MMP8: variants seen among roughly 807,000 people sequenced by gnomAD.
The protein encoded by MMP8 is neutrophil collagenase.
Under a neutral mutation model 51.2 loss-of-function variants are expected in MMP8, and 67 were observed. The observed-to-expected ratio is 1.31, with a 90% confidence interval of 1.08 to 1.60. The LOEUF is 1.60. Ranked by LOEUF, MMP8 falls within the 40% of genes most tolerant of loss-of-function variation. The pLI is 0.00. For missense variants in MMP8, 654 were observed against 558.1 expected (o/e 1.17, Z -1.73); for synonymous variants, 225 against 191.0 (o/e 1.18, Z -1.47).
chr11:102,713,581 A>G (rs779670480), intron 9 of MMP8, 124 bp from the exon 10 acceptor site: 1 of 1,038,726 alleles, frequency 9.6e-7, no homozygotes, highest in Non-Finnish European at 1.4e-6. Context: ...TAAAAAATTT[A>G]AACACCAGGT....
chr11:102,722,997 T>C, intron 1 of MMP8: 2 of 1,304,298 alleles, frequency 1.5e-6, no homozygotes, highest in Non-Finnish European at 2.0e-6. Context: ...TAACATTAAT[T>C]GACTTCTCTT....
chr11:102,722,051 G>A (rs1312840818), intron 2 of MMP8, among the ~76,000 whole-genome samples: 1 of 152,014 alleles, frequency 6.6e-6, no homozygotes, highest in Non-Finnish European at 1.5e-5. Flanking sequence ...TTCATTACTT[G>A]TCAAATAGTA....
At chr11:102,719,846 G>C (rs1471431248) in intron 4 of MMP8, among the ~76,000 whole-genome samples, 1 of 152,248 alleles carries the variant, frequency 6.6e-6, no homozygotes, top group Non-Finnish European at 1.5e-5. Flanking sequence ...AAAGCACACA[G>C]TGAGTGATGA....
In MMP8 at chr11:102,714,565, T is replaced by C; in HGVS notation, c.1181A>G (p.Gln394Arg). ...AAATAGTTTACGTTACCTCCAGAAT[T>C]GGTCATTTACAAAGAAGTATGTTTT... is the stretch of plus-strand genomic sequence containing the variant. ...RSKTYFFVND[Q>R]FWRYDNQRQF... Residue 394 changes from glutamine (Q) to arginine (R), a missense_variant, in exon 8 of 10, where the codon CAA (glutamine) becomes CGA (arginine). Physicochemically the swap from Gln to Arg is conservative, Grantham distance 43. Coordinates refer to ENST00000236826, the MANE Select transcript of MMP8 (RefSeq NM_002424.3). 2.0e-6 allele frequency: 3 copies of C among 1,468,682 alleles called. No individual in the cohort carries two copies. The highest frequency in any genetic ancestry group is 2.7e-6 in the Non-Finnish European group (3 of 1,106,520). 91.0% of individuals were successfully genotyped at this position (1,468,682 alleles called of 1,614,324 possible).
rs775921109 is a variant in MMP8 at position 102,722,531 on chromosome 11, G to A, written c.245C>T (p.Thr82Ile). 26 of 1,613,816 alleles carry A rather than the reference G, an allele frequency of 1.6e-5. No homozygotes were observed. The highest frequency in any genetic ancestry group is 2.0e-5 in the Non-Finnish European group (24 of 1,179,866). Residue 82 changes from threonine to isoleucine, a missense_variant, in exon 2 of 10, where the codon ACT (threonine) becomes ATT (isoleucine). Transcript: ENST00000236826. ...LNVTGKPNEE[T>I]LDMMKKPRCG... Reference sequence around the variant, plus strand: ...GCGAGGCTTTTTCATCATGTCCAGAGTTTCCTCATTTGGCTTCCCCGTCAC... The same window carrying A: ...GCGAGGCTTTTTCATCATGTCCAGAATTTCCTCATTTGGCTTCCCCGTCAC...
chr11:102,716,538 C>T (rs1485939472), intron 5 of MMP8, 119 bp from the exon 6 acceptor site: 3 of 537,376 alleles, frequency 5.6e-6, no homozygotes, highest in African/African-American at 3.9e-5. Flanking sequence ...AAGGTAAGTG[C>T]TACCAGACTA....
At chr11:102,722,796 A>G in intron 1 of MMP8, 123 bp from the exon 2 acceptor site, 4 of 1,404,284 alleles carry the variant, frequency 2.8e-6, no homozygotes, top group Non-Finnish European at 3.8e-6. Flanking sequence ...GAACAATAAC[A>G]CAAATTAATT....
intron 9 of MMP8, 61 bp downstream of exon 9, chr11:102,713,693 C>A: frequency 7.2e-7 from 1 of 1,386,874 alleles, no homozygotes; most frequent in Non-Finnish European, 1.0e-6. Context: ...TAGTAAGACC[C>A]TGTCTCCTCT....
chr11:102,723,667 G>A lies in MMP8; in HGVS notation c.103-994C>T, dbSNP rs545498023. On this transcript the variant is annotated intron_variant, in intron 1 of 9. Transcript: ENST00000236826. ...ATTAATTACTAATCCAGTTCTGCAA[G>A]AGCCAGAACCCACTCCAGCAAAAAT... The A allele has an allele frequency of 6.5e-5, 19 of 290,164 alleles. No individual in the cohort carries two copies. The East Asian group carries it at 1.5e-3, about 23-fold the overall frequency. 18.0% of individuals were successfully genotyped at this position (290,164 alleles called of 1,614,324 possible). A position where few individuals can be genotyped will look rare whatever the true frequency, so the allele number is the denominator to read the frequency against.
intron 4 of MMP8, among the ~76,000 whole-genome samples, chr11:102,719,443 T>G (rs917661608): frequency 2.7e-5 from 4 of 149,342 alleles, no homozygotes; most frequent in Non-Finnish European, 5.9e-5. Context: ...GGCAATCTAA[T>G]GTTATGCAAT....
rs751481811 is a variant in MMP8, at chr11:102,716,423, G to GAAA, written c.785-7_785-5dup. ...TGGATAGGGTTGCTTGAAAGTCCTG[G>GAAA]AAAAAAAAAAAAAAAAAAAAAAAAG... On this transcript the variant is annotated splice_region_variant and splice_polypyrimidine_tract_variant and intron_variant, in intron 5 of 9. Transcript: ENST00000236826. 4,266 of 394,328 alleles carry GAAA rather than the reference G, an allele frequency of 0.011. 32 individuals are homozygous for GAAA. The highest frequency in any genetic ancestry group is 0.034 in the African/African-American group (927 of 26,994). 24.4% of individuals were successfully genotyped at this position (394,328 alleles called of 1,614,324 possible).
chr11:102,719,154 C>G, intron 4 of MMP8, among the ~76,000 whole-genome samples: 1 of 152,192 alleles, frequency 6.6e-6, no homozygotes, highest in Admixed American at 6.5e-5. Flanking sequence ...TTATTGCTCT[C>G]TTTCTCCATG....
At position 102,715,380 on chromosome 11, in the gene MMP8, T is replaced by C. The variant is rs1286079471; in HGVS notation, c.960A>G (p.Leu320=). 2 of 1,613,744 alleles carry C rather than the reference T, an allele frequency of 1.2e-6. No individual in the cohort carries two copies. Among genetic ancestry groups the C allele is most frequent in the South Asian group, 2.2e-5 (2 of 91,058 alleles). The change falls in exon 7 of 10, where the codon CTA becomes CTG. Residue 320 remains leucine (L), a synonymous_variant. Transcript: ENST00000236826. ...TACCAGTTGGAAGGGATGGCCAGAA[T>C]AGAGAAATAAAATTCATTTCGACTC... ...LQRVEMNFIS[L]FWPSLPTGIQ... is the part of the protein sequence containing the mutation.
intron 4 of MMP8, 61 bp from the exon 5 acceptor site, chr11:102,718,636 A>T: frequency 1.9e-6 from 3 of 1,593,034 alleles, no homozygotes; most frequent in Non-Finnish European, 2.6e-6. Context: ...CAGAAACATG[A>T]TCTCAAGGAA....
At chr11:102,718,831 A>G (rs913524643) in intron 4 of MMP8, among the ~76,000 whole-genome samples, 1 of 152,220 alleles carries the variant, frequency 6.6e-6, no homozygotes, top group Admixed American at 6.5e-5. Flanking sequence ...ATTTATTCCA[A>G]TTCTCACATT....
Position 102,716,477 on chromosome 11 carries a change from G to T in MMP8, c.785-58C>A. ...TTTCTTATGAGAGTAAGTCCGGTGTGACTCTTGGGTACATCAGAGACTTCT... is the reference window on the plus strand; with the variant it reads ...TTTCTTATGAGAGTAAGTCCGGTGTTACTCTTGGGTACATCAGAGACTTCT... On this transcript the variant is annotated intron_variant, in intron 5 of 9. Coordinates refer to ENST00000236826, the MANE Select transcript of MMP8 (RefSeq NM_002424.3). 5 of 1,104,574 alleles carry T rather than the reference G, an allele frequency of 4.5e-6. 1 individual carries two copies. The highest frequency in any genetic ancestry group is 3.9e-6 in the Non-Finnish European group (3 of 765,172). The allele number at this position is 1,104,574 out of a possible 1,614,324, so 68.4% of individuals were successfully genotyped here.
Position 102,715,331 on chromosome 11 carries a change from CA to C in MMP8, c.1008del (p.Phe336LeufsTer17). On this transcript the variant is annotated frameshift_variant, in exon 7 of 10. Coordinates refer to ENST00000236826, the MANE Select transcript of MMP8 (RefSeq NM_002424.3). LOFTEE classifies it high-confidence loss of function. ...PTGIQAAYED[F>X]DRDLIFLFKG... ...TTAAATAGGAAAATGAGGTCTCTGT[CA>C]AAATCTTCATAAGCAGCCTGTATAC... The C allele has an allele frequency of 1.9e-6, 3 of 1,611,992 alleles. No individual in the cohort carries two copies. The highest frequency in any genetic ancestry group is 2.5e-6 in the Non-Finnish European group (3 of 1,179,336).
rs1861151352 is a variant in MMP8, at chr11:102,712,419, TG to T, written c.*928del. 6.6e-6 allele frequency: 1 copy of T among 152,224 alleles called. No individual in the cohort carries two copies. The highest frequency in any genetic ancestry group is 6.5e-5 in the Admixed American group (1 of 15,278). 9.4% of individuals were successfully genotyped at this position (152,224 alleles called of 1,614,324 possible). A position where few individuals can be genotyped will look rare whatever the true frequency, so the allele number is the denominator to read the frequency against. Reference sequence around the variant, plus strand: ...TCTAGTACCTCATGTCTAGGGTTGCTGTAACAAAGTATTGCAAAGTTGGTGG... The same window carrying T: ...TCTAGTACCTCATGTCTAGGGTTGCTTAACAAAGTATTGCAAAGTTGGTGG... On this transcript the variant is annotated 3_prime_UTR_variant, in exon 10 of 10. Transcript: ENST00000236826.
Position 102,721,709 on chromosome 11 carries a change from T to G in MMP8, c.401A>C (p.Lys134Thr). The G allele has an allele frequency of 1.9e-6, 3 of 1,613,818 alleles. No homozygotes were observed. Among genetic ancestry groups the G allele is most frequent in the Non-Finnish European group, 2.5e-6 (3 of 1,179,784 alleles). The change falls in exon 3 of 10, where the codon AAG (lysine) becomes ACG (threonine). Residue 134 changes from lysine (K) to threonine (T), a missense_variant. Lys to Thr is a moderately conservative substitution (Grantham distance 78). Transcript: ENST00000236826. ...AACACTCCAGAGTTCAAAGGCATCC[T>G]TGATAGCTCTTTCTACCTCAGCCTC... ...LSEAEVERAI[K>T]DAFELWSVAS...
Sources: allele counts gnomAD v4.1 joint callset (sites outside exome capture counted in the v4.1 genomes callset), GRCh38; gene constraint gnomAD v4.1.1; transcripts MANE v1.5; gene names NCBI Gene and HGNC (gene_info 2026-07-23, HGNC 2026-07-21).